Variants in PSKH2 observed in about 807,000 individuals in gnomAD.
PSKH2 encodes the protein protein serine kinase H2, also known as serine/threonine-protein kinase H2.
A neutral mutation model predicts 22.5 loss-of-function variants in PSKH2; 16 were observed. The observed-to-expected ratio is 0.71, with a 90% CI of 0.48 to 1.08. The LOEUF (loss-of-function observed/expected upper bound fraction) is 1.08, where lower values mean the gene tolerates loss of function less well. PSKH2 is among the 50% of genes least tolerant of loss of function. The pLI is 0.00. For synonymous variants in PSKH2, 188 were observed against 184.8 expected, an observed-to-expected ratio of 1.02 and a Z score of -0.14; for missense variants, 516 against 492.8, an observed-to-expected ratio of 1.05 and a Z score of -0.44.
At chr8:86,067,276 T>A (rs540057943) in intron 1 of PSKH2, among the ~76,000 whole-genome samples, 2 of 152,088 alleles carry the variant, frequency 1.3e-5, no homozygotes, top group Non-Finnish European at 2.9e-5. Flanking sequence ...CAAATTCTTA[T>A]AGCTACAGCC....
intron 2 of PSKH2, among the ~76,000 whole-genome samples, chr8:86,060,849 CAG>C (rs1817767711): frequency 6.6e-6 from 1 of 152,192 alleles, no homozygotes; most frequent in South Asian, 2.1e-4. Flanking sequence ...CCTCAAGAAA[CAG>C]AGGGTGCCTT....
At chr8:86,062,197 T>G (rs1423311832) in intron 2 of PSKH2, among the ~76,000 whole-genome samples, 1 of 152,216 alleles carries the variant, frequency 6.6e-6, no homozygotes, top group African/African-American at 2.4e-5. Flanking sequence ...TCCAATGTCA[T>G]TACAATTTTT....
In PSKH2 at chr8:86,067,709, G is replaced by T. The variant is rs191200697; in HGVS notation, c.185+1729C>A. The stretch of plus-strand genomic sequence containing the variant: ...TAATAGTGTTACAATCTGCTTGAGA[G>T]AAACAATTATAATAAACTCCCAACA... On this transcript the variant is annotated intron_variant, in intron 1 of 2. Transcript: ENST00000276616. 4.3e-3 allele frequency among the ~76,000 whole-genome samples: 650 copies of T among 152,186 alleles called. 5 individuals carry two copies. The highest frequency in any genetic ancestry group is 0.01 in the Middle Eastern group (3 of 294).
intron 2 of PSKH2, among the ~76,000 whole-genome samples, chr8:86,054,095 A>C (rs1246563523): frequency 6.6e-6 from 1 of 152,180 alleles, no homozygotes; most frequent in Non-Finnish European, 1.5e-5. Flanking sequence ...ACATAGACCC[A>C]GTCTCTAAAA....
intron 2 of PSKH2, among the ~76,000 whole-genome samples, chr8:86,049,395 C>T (rs1388159630): frequency 6.6e-6 from 1 of 151,808 alleles, no homozygotes; most frequent in Non-Finnish European, 1.5e-5. Context: ...CCCATCTCTA[C>T]AAAAAATGTA....
Position 86,069,609 on chromosome 8 carries a change from G to T in PSKH2, c.14C>A (p.Ala5Asp), listed in dbSNP as rs769563370. 1.3e-6 allele frequency: 2 copies of T among 1,589,934 alleles called. No homozygotes were observed. Among genetic ancestry groups the T allele is most frequent in the East Asian group, 4.6e-5 (2 of 43,730 alleles). The change falls in exon 1 of 3, where the codon GCC becomes GAC. Residue 5 changes from alanine (A) to aspartate (D), a missense_variant. Physicochemically the swap from Ala to Asp is moderately radical, Grantham distance 126. Transcript: ENST00000276616. ...TGGCCCCGGGACCACCTTCCTGCTG[G>T]CGCCGCACCCCATACCCGCAACACG... MGCG[A>D]SRKVVPGPPA...
chr8:86,049,756 AAAGAAAGAAAGAG>A (rs1817601004), intron 2 of PSKH2, among the ~76,000 whole-genome samples: 1 of 120,910 alleles, frequency 8.3e-6, no homozygotes, highest in African/African-American at 3.3e-5. Context: ...GAAACGAAAG[AAAGAAAGAAAGAG>A]AAAAGAAAGA....
chr8:86,069,741 T>G (rs1817920639), upstream of PSKH2: 4 of 1,180,092 alleles, frequency 3.4e-6, no homozygotes, highest in African/African-American at 4.9e-5. Context: ...GAAACCCCAC[T>G]GGGGGGTCGT....
chr8:86,064,231 C>A lies in PSKH2; in HGVS notation c.586G>T (p.Glu196Ter), dbSNP rs796781855. Reference protein sequence around the residue: ...PENLLYYHPGEESKILITDFG... With the variant: ...PENLLYYHPG ...TCTGTAATTAAAATTTTCGACTCTT[C>A]ACCTGGATGATAGTATAAGAGGTTT... is the stretch of plus-strand genomic sequence containing the variant. The change falls in exon 2 of 3, where the codon GAA (glutamate) becomes TAA (stop). Residue 196 changes from glutamate (E) to a stop codon, truncating the protein, a stop_gained. Transcript: ENST00000276616. LOFTEE classifies it high-confidence loss of function. 6.2e-7 allele frequency: 1 copy of A among 1,614,018 alleles called. No homozygotes were observed. The highest frequency in any genetic ancestry group is 8.5e-7 in the Non-Finnish European group (1 of 1,180,036).
chr8:86,064,487 G>A lies in PSKH2; in HGVS notation c.330C>T (p.Ser110=), dbSNP rs143275565. The stretch of plus-strand genomic sequence containing the variant: ...AACGATGGCTAACCCGCCGCAGGAC[G>A]CTCAGCTCAGACACGCACGCTTCTC... ...EGREACVSEL[S]VLRRVSHRYI... is the part of the protein sequence containing the mutation. The change falls in exon 2 of 3, where the codon AGC becomes AGT. Residue 110 remains serine, a synonymous_variant. Transcript: ENST00000276616. 66 of 1,613,912 alleles carry A rather than the reference G, an allele frequency of 4.1e-5. No individual in the cohort carries two copies. The highest frequency in any genetic ancestry group is 2.8e-4 in the Admixed American group (17 of 59,988).
intron 2 of PSKH2, among the ~76,000 whole-genome samples, chr8:86,050,750 ATG>A (rs1166863212): frequency 6.6e-6 from 1 of 152,172 alleles, no homozygotes; most frequent in South Asian, 2.1e-4. Flanking sequence ...TTTCTAATTG[ATG>A]TGTGTTTTTA....
chr8:86,047,951 T>C lies in PSKH2; in HGVS notation c.*511A>G, dbSNP rs1817550829. Among the ~76,000 whole-genome samples the C allele has an allele frequency of 6.6e-6, 1 of 152,170 alleles. No homozygotes were observed. Among genetic ancestry groups the C allele is most frequent in the Non-Finnish European group, 1.5e-5 (1 of 67,998 alleles). On this transcript the variant is annotated 3_prime_UTR_variant, in exon 3 of 3. Coordinates refer to ENST00000276616, the MANE Select transcript of PSKH2 (RefSeq NM_033126.3). The stretch of plus-strand genomic sequence containing the variant: ...TGAAATTATATCTTATAGTTCTTTA[T>C]AGGCCCCATAATTAATAATTTTTCA...
intron 2 of PSKH2, among the ~76,000 whole-genome samples, chr8:86,051,038 C>T (rs1222734965): frequency 6.6e-6 from 1 of 151,906 alleles, no homozygotes; most frequent in Non-Finnish European, 1.5e-5. Context: ...ACTCCCACCC[C>T]CACCCATGCC....
At chr8:86,049,727 AAAG>A (rs1817593466) in intron 2 of PSKH2, among the ~76,000 whole-genome samples, 1 of 62,946 alleles carries the variant, frequency 1.6e-5, no homozygotes, top group Non-Finnish European at 3.2e-5. Flanking sequence ...AGAAAGAAAG[AAAG>A]AAAGAAAGAA....
chr8:86,064,739 G>T, intron 1 of PSKH2, 108 bp from the exon 2 acceptor site: 2 of 888,380 alleles, frequency 2.3e-6, no homozygotes, highest in South Asian at 3.6e-5. Flanking sequence ...CCTCCCATCA[G>T]ATTTATTTGT....
At chr8:86,064,694 TC>T in intron 1 of PSKH2, 63 bp from the exon 2 acceptor site, 1 of 1,288,132 alleles carries the variant, frequency 7.8e-7, no homozygotes, top group Non-Finnish European at 1.1e-6. Flanking sequence ...ATTATTTAAG[TC>T]CATGCTTTAT....
intron 2 of PSKH2, among the ~76,000 whole-genome samples, chr8:86,053,886 A>C (rs1817665869): frequency 6.6e-6 from 1 of 152,132 alleles, no homozygotes; most frequent in Admixed American, 6.6e-5. Flanking sequence ...TACATACAAA[A>C]ATTAGCTTAG....
At chr8:86,049,278 G>T (rs762236439) in intron 2 of PSKH2, among the ~76,000 whole-genome samples, 1 of 152,164 alleles carries the variant, frequency 6.6e-6, no homozygotes, top group Non-Finnish European at 1.5e-5. Flanking sequence ...CTTACTCTGA[G>T]CCAGGCACAG....
intron 2 of PSKH2, among the ~76,000 whole-genome samples, chr8:86,061,308 T>C (rs917683673): frequency 1.3e-5 from 2 of 152,226 alleles, no homozygotes; most frequent in African/African-American, 4.8e-5. Flanking sequence ...AGGAACTCTC[T>C]GAATTAAACC....
Sources: gnomAD v4.1 joint callset for allele counts (sites outside exome capture counted in the v4.1 genomes callset) on GRCh38, gnomAD v4.1.1 for gene constraint, MANE v1.5 for transcripts, NCBI Gene and HGNC (gene_info 2026-07-23, HGNC 2026-07-21) for gene names.